Variants in RARS2 observed in about 807,000 individuals in gnomAD.
RARS2 encodes arginyl-tRNA synthetase 2, mitochondrial.
Under a neutral mutation model 88.5 loss-of-function variants are expected in RARS2, and 67 were observed. The observed-to-expected ratio is 0.76, with a 90% CI of 0.62 to 0.93. RARS2 has a LOEUF of 0.93. RARS2 is among the 40% of genes least tolerant of loss of function. The pLI is 0.00. For missense variants in RARS2, 664 were observed against 684.2 expected (o/e 0.97, Z 0.33); for synonymous variants, 239 against 230.3 (o/e 1.04, Z -0.34).
At chr6:87,527,882 G>GT (rs1776263733) in intron 10 of RARS2, among the ~76,000 whole-genome samples, 1 of 152,098 alleles carries the variant, frequency 6.6e-6, no homozygotes, top group Non-Finnish European at 1.5e-5. Context: ...GAGACACAAG[G>GT]AAGGAAAGAA....
intron 3 of RARS2, among the ~76,000 whole-genome samples, chr6:87,563,073 C>A (rs1262342261): frequency 6.6e-6 from 1 of 152,206 alleles, no homozygotes; most frequent in Non-Finnish European, 1.5e-5. Context: ...AATCACTCTA[C>A]CCATATTCTA....
Position 87,530,865 on chromosome 6 carries a change from C to T in RARS2, c.690G>A (p.Leu230=). The stretch of plus-strand genomic sequence containing the variant: ...AAAGTGCTTGCACATCGCCCAGTTC[C>T]AATCGTTGGAAGAACTCCTGTGCTG... ...AKAAQEFFQR[L]ELGDVQALSL... Residue 230 remains leucine, a synonymous_variant, in exon 9 of 20, where the codon TTG becomes TTA. Transcript: ENST00000369536. The T allele has an allele frequency of 6.2e-7, 1 of 1,614,190 alleles. No individual in the cohort carries two copies. Among genetic ancestry groups the T allele is most frequent in the African/African-American group, 1.3e-5 (1 of 75,050 alleles).
At chr6:87,543,610 C>A (rs1450605323) in intron 7 of RARS2, among the ~76,000 whole-genome samples, 1 of 151,550 alleles carries the variant, frequency 6.6e-6, no homozygotes, top group Non-Finnish European at 1.5e-5. Flanking sequence ...CACTGCACGC[C>A]AGCCTGGGTG....
intron 18 of RARS2, 148 bp downstream of exon 18, chr6:87,516,658 A>G: frequency 3.5e-6 from 4 of 1,146,290 alleles, no homozygotes; most frequent in Non-Finnish European, 4.9e-6. Flanking sequence ...AGGAACATTA[A>G]CTGCTAATTT....
intron 14 of RARS2, 117 bp downstream of exon 14, chr6:87,519,465 AC>A (rs1283122351): frequency 1.7e-6 from 2 of 1,172,708 alleles, no homozygotes; most frequent in East Asian, 5.0e-5. Flanking sequence ...GGTATTTTTG[AC>A]AAAGTTAGTG....
At chr6:87,575,357 G>C (rs1446157967) in intron 1 of RARS2, among the ~76,000 whole-genome samples, 3 of 151,938 alleles carry the variant, frequency 2.0e-5, no homozygotes, top group Admixed American at 2.0e-4. Context: ...CCTGAGGGCA[G>C]AAGTGATGAG....
At chr6:87,582,523 T>C (rs1021709546) in intron 1 of RARS2, among the ~76,000 whole-genome samples, 4 of 152,256 alleles carry the variant, frequency 2.6e-5, no homozygotes, top group Non-Finnish European at 5.9e-5. Flanking sequence ...TATGCTACTC[T>C]GTAGGTTGCC....
At chr6:87,567,962 G>T (rs988353507) in intron 2 of RARS2, among the ~76,000 whole-genome samples, 1 of 152,074 alleles carries the variant, frequency 6.6e-6, no homozygotes, top group Non-Finnish European at 1.5e-5. Context: ...TAGTAGAGAC[G>T]GGGTTTCACC....
At chr6:87,561,587 A>C (rs1787872267) in intron 4 of RARS2, among the ~76,000 whole-genome samples, 1 of 152,224 alleles carries the variant, frequency 6.6e-6, no homozygotes, top group Non-Finnish European at 1.5e-5. Flanking sequence ...CCAAATGTAG[A>C]ATACATTAAA....
At chr6:87,564,270 T>C (rs749588493) in intron 2 of RARS2, 38 bp from the exon 3 acceptor site, 1 of 1,402,142 alleles carries the variant, frequency 7.1e-7, no homozygotes. Context: ...AACTGTTACC[T>C]TAAAAGCATT....
Position 87,514,530 on chromosome 6 carries a change from T to C in RARS2, c.1651-31A>G, listed in dbSNP as rs192988223. Reference sequence around the variant, plus strand: ...AAATAAATCAAAGAATGATTTAAAATATTCAGTAACAGGAATGTATTCAAT... The same window carrying C: ...AAATAAATCAAAGAATGATTTAAAACATTCAGTAACAGGAATGTATTCAAT... On this transcript the variant is annotated intron_variant, in intron 19 of 19. Coordinates refer to ENST00000369536, the MANE Select transcript of RARS2 (RefSeq NM_020320.5). 724 of 1,529,422 alleles carry C rather than the reference T, an allele frequency of 4.7e-4. 2 individuals are homozygous for C. In the African/African-American group the frequency reaches 9.1e-3, roughly 19 times the overall value. The allele number at this position is 1,529,422 out of a possible 1,614,324, so 94.7% of individuals were successfully genotyped here.
At chr6:87,565,642 C>T (rs1218706224) in intron 2 of RARS2, among the ~76,000 whole-genome samples, 2 of 152,166 alleles carry the variant, frequency 1.3e-5, no homozygotes, top group African/African-American at 4.8e-5. Flanking sequence ...GTACTCATTA[C>T]ATCATTCTCT....
intron 7 of RARS2, among the ~76,000 whole-genome samples, chr6:87,545,228 G>A (rs964229764): frequency 6.6e-6 from 1 of 152,040 alleles, no homozygotes; most frequent in Non-Finnish European, 1.5e-5. Flanking sequence ...GGACTACAAG[G>A]GCATGCCACC....
chr6:87,551,018 C>T (rs1416659445), intron 5 of RARS2, among the ~76,000 whole-genome samples: 2 of 151,818 alleles, frequency 1.3e-5, no homozygotes, highest in East Asian at 3.9e-4. Flanking sequence ...TTTATAATGT[C>T]TGTTAAGAAA....
At chr6:87,572,031 T>G (rs1053723536) in intron 1 of RARS2, among the ~76,000 whole-genome samples, 1 of 151,774 alleles carries the variant, frequency 6.6e-6, no homozygotes, top group Non-Finnish European at 1.5e-5. Context: ...AAACAGTTCA[T>G]GTTTATAGTA....
intron 5 of RARS2, among the ~76,000 whole-genome samples, chr6:87,554,008 A>G (rs952051776): frequency 5.3e-5 from 8 of 152,174 alleles, no homozygotes; most frequent in Admixed American, 2.0e-4. Flanking sequence ...ATTGTCCAGG[A>G]GCTAATCATA....
At chr6:87,575,570 A>G (rs1182883241) in intron 1 of RARS2, among the ~76,000 whole-genome samples, 1 of 152,280 alleles carries the variant, frequency 6.6e-6, no homozygotes, top group East Asian at 1.9e-4. Flanking sequence ...GCTATTAGCA[A>G]TAAGTGAATG....
chr6:87,545,637 C>T lies in RARS2; in HGVS notation c.514G>A (p.Gly172Ser). 1 of 1,613,678 alleles carries T rather than the reference C, an allele frequency of 6.2e-7. No homozygotes were observed. Residue 172 changes from glycine to serine, a missense_variant, in exon 7 of 20, where the codon GGC becomes AGC. Transcript: ENST00000369536. ...TTACCAAACTGCATGCCCCAATCGC[C>T]AAGGTAATTTATTCTTATTACTTGA... ...GHQVIRINYLGDWGMQFGLLG... is the reference protein window; with the variant it reads ...GHQVIRINYLSDWGMQFGLLG...
intron 2 of RARS2, among the ~76,000 whole-genome samples, chr6:87,568,050 C>T (rs1397199819): frequency 2.0e-5 from 3 of 152,148 alleles, no homozygotes; most frequent in Non-Finnish European, 2.9e-5. Flanking sequence ...GGATTACAGG[C>T]GTGAGCCACC....
Sources: gnomAD v4.1 joint callset for allele counts (sites outside exome capture counted in the v4.1 genomes callset) on GRCh38, gnomAD v4.1.1 for gene constraint, MANE v1.5 for transcripts, NCBI Gene and HGNC (gene_info 2026-07-23, HGNC 2026-07-21) for gene names.